Variants in TNIK observed in about 807,000 individuals in gnomAD.
TNIK encodes the protein TRAF2 and NCK-interacting protein kinase.
In TNIK, 49 loss-of-function variants were observed where a neutral mutation model predicts 191.3. That is an observed-to-expected ratio of 0.26 (90% CI 0.20 to 0.32). The LOEUF is 0.32. Among genes scored for constraint, TNIK ranks in the 10% least tolerant of loss-of-function variants. TNIK has a pLI of 1.00. For synonymous variants in TNIK, 594 were observed against 600.9 expected (o/e 0.99, Z 0.17); for missense variants, 1,155 against 1,702.3 (o/e 0.68, Z 5.66).
chr3:171,258,967 C>T (rs1422079097), intron 2 of TNIK, among the ~76,000 whole-genome samples: 1 of 152,172 alleles, frequency 6.6e-6, no homozygotes, highest in Non-Finnish European at 1.5e-5. Context: ...AAACACGCCA[C>T]TGAAATTTGA....
rs564360023 is a variant in TNIK at position 171,077,061 on chromosome 3, C to G, written c.3448+2457G>C. Among the ~76,000 whole-genome samples the G allele has an allele frequency of 5.3e-5, 8 of 151,100 alleles. No individual in the cohort carries two copies. In the South Asian group the frequency reaches 1.1e-3, roughly 20 times the overall value. On this transcript the variant is annotated intron_variant, in intron 28 of 32. Coordinates refer to ENST00000436636, the MANE Select transcript of TNIK (RefSeq NM_015028.4). The stretch of plus-strand genomic sequence containing the variant: ...TATGTAGTATACCATGGTTACATTT[C>G]CTTTCTTGTTCCCCCCCCCCTTTTT...
chr3:171,162,016 G>T (rs906635553), intron 10 of TNIK, among the ~76,000 whole-genome samples: 5 of 152,236 alleles, frequency 3.3e-5, no homozygotes, highest in Admixed American at 2.6e-4. Flanking sequence ...CTTATTGATG[G>T]TATTAACCAT....
intron 3 of TNIK, 91 bp from the exon 4 acceptor site, chr3:171,211,332 T>A: frequency 7.1e-7 from 1 of 1,405,922 alleles, no homozygotes. Context: ...TTTTTCTTGT[T>A]TTTTCTTCCT....
intron 25 of TNIK, 37 bp downstream of exon 25, chr3:171,085,081 G>T: frequency 6.5e-7 from 1 of 1,532,386 alleles, no homozygotes; most frequent in South Asian, 1.2e-5. Flanking sequence ...AAAGGAAGAC[G>T]AAGCTGTTTT....
chr3:171,079,573 C>T lies in TNIK; in HGVS notation c.3393G>A (p.Lys1131=), dbSNP rs1478346841. The T allele has an allele frequency of 1.2e-5, 19 of 1,613,562 alleles. No individual in the cohort carries two copies. Among genetic ancestry groups the T allele is most frequent in the Non-Finnish European group, 1.3e-5 (15 of 1,179,768 alleles). Residue 1131 remains lysine, a synonymous_variant, in exon 28 of 33, where the codon AAG becomes AAA. Coordinates refer to ENST00000436636, the MANE Select transcript of TNIK (RefSeq NM_015028.4). ...RILHNDPEVE[K]KQGWITVGDL... is the part of the protein sequence containing the mutation. ...CCCCAACAGTGATCCAGCCTTGTTT[C>T]TTTTCTACTTCTGGGTCATTATGTA... is the stretch of plus-strand genomic sequence containing the variant.
intron 1 of TNIK, among the ~76,000 whole-genome samples, chr3:171,421,724 ATTT>A (rs67895255): frequency 1.5e-3 from 137 of 91,340 alleles, no homozygotes; most frequent in African/African-American, 6.3e-3. Context: ...TAGTTGTGTA[ATTT>A]TTTTTTTTTT....
At chr3:171,286,861 T>A (rs527263250) in intron 2 of TNIK, among the ~76,000 whole-genome samples, 1 of 152,256 alleles carries the variant, frequency 6.6e-6, no homozygotes, top group East Asian at 1.9e-4. Flanking sequence ...AGTCAGGGAG[T>A]CCTCTTGTAA....
chr3:171,086,151 T>C (rs932030099), intron 24 of TNIK, among the ~76,000 whole-genome samples: 16 of 152,354 alleles, frequency 1.1e-4, no homozygotes, highest in African/African-American at 3.8e-4. Flanking sequence ...TATTTCACTT[T>C]AGTTTTACTG....
At chr3:171,377,229 A>G (rs938785652) in intron 1 of TNIK, among the ~76,000 whole-genome samples, 1 of 152,204 alleles carries the variant, frequency 6.6e-6, no homozygotes, top group Non-Finnish European at 1.5e-5. Flanking sequence ...ACCTCCAGGA[A>G]CTAACCCTCG....
chr3:171,304,438 G>A lies in TNIK; in HGVS notation c.123+65182C>T, dbSNP rs1481284963. On this transcript the variant is annotated intron_variant, in intron 2 of 32. Coordinates refer to ENST00000436636, the MANE Select transcript of TNIK (RefSeq NM_015028.4). ...GACTGTAAACTAGTTCAACCATTGT[G>A]GAAGTCAGTGTGGCGATTCCTCAGG... Among the ~76,000 whole-genome samples, 3 of 152,120 alleles carry A rather than the reference G, an allele frequency of 2.0e-5. No individual in the cohort carries two copies. The East Asian group carries it at 5.8e-4, about 29-fold the overall frequency.
At chr3:171,120,883 G>A (rs541228049) in intron 18 of TNIK, among the ~76,000 whole-genome samples, 2 of 152,202 alleles carry the variant, frequency 1.3e-5, no homozygotes, top group South Asian at 4.2e-4. Flanking sequence ...ACTAGTACCC[G>A]TAGTCCCAGA....
chr3:171,288,003 T>C (rs925020137), intron 2 of TNIK, among the ~76,000 whole-genome samples: 2 of 150,372 alleles, frequency 1.3e-5, no homozygotes, highest in African/African-American at 5.0e-5. Context: ...AAATGATGAG[T>C]TCATGTCCTT....
At chr3:171,448,569 CT>C (rs79607104) in intron 1 of TNIK, among the ~76,000 whole-genome samples, 8,400 of 126,216 alleles carry the variant, frequency 0.067, 338 homozygotes, top group African/African-American at 0.16. Flanking sequence ...TTCATGTACA[CT>C]TTTTTTTTTT....
In TNIK at chr3:171,085,263, A is replaced by T. The variant is rs769276776; in HGVS notation, c.2887-34T>A. On this transcript the variant is annotated intron_variant, in intron 24 of 32. Transcript: ENST00000436636. ...TAAGCAAGAAGATTAAGAAGAGCAG[A>T]TAAATACTGCAGGAATAACAATGCT... 1.4e-5 allele frequency: 22 copies of T among 1,548,952 alleles called. No homozygotes were observed. The East Asian group carries it at 3.9e-4, about 28-fold the overall frequency.
intron 2 of TNIK, among the ~76,000 whole-genome samples, chr3:171,272,539 G>GT (rs745974284): frequency 3.9e-5 from 6 of 152,102 alleles, no homozygotes; most frequent in African/African-American, 7.2e-5. Flanking sequence ...CATTTCTTTT[G>GT]TTTTTTTCTC....
intron 3 of TNIK, among the ~76,000 whole-genome samples, chr3:171,212,717 A>G (rs1218921060): frequency 6.6e-6 from 1 of 152,198 alleles, no homozygotes; most frequent in East Asian, 1.9e-4. Context: ...CCTAGCACCA[A>G]GCAGTGCCTG....
In TNIK at chr3:171,445,168, G is replaced by A. The variant is rs375653729; in HGVS notation, c.57+14839C>T. Among the ~76,000 whole-genome samples, 29 of 152,124 alleles carry A rather than the reference G, an allele frequency of 1.9e-4. 1 individual carries two copies. The East Asian group carries it at 4.9e-3, about 26-fold the overall frequency. On this transcript the variant is annotated intron_variant, in intron 1 of 32. Coordinates refer to ENST00000436636, the MANE Select transcript of TNIK (RefSeq NM_015028.4). ...AGCGAGCCCAGGCATGGTGGCTCAC[G>A]CCTGTAATCCTAGCACTTTGAGAGG...
chr3:171,138,407 G>A (rs1730334118), intron 14 of TNIK, 28 bp from the exon 15 acceptor site: 1 of 1,487,756 alleles, frequency 6.7e-7, no homozygotes, highest in East Asian at 2.4e-5. Context: ...GAGGAGCAAA[G>A]AAAAGGCCAA....
intron 2 of TNIK, among the ~76,000 whole-genome samples, chr3:171,275,066 C>A (rs1749565220): frequency 6.6e-6 from 1 of 152,140 alleles, no homozygotes; most frequent in African/African-American, 2.4e-5. Context: ...AATAATCTCT[C>A]TTTTTTCTCC....
Sources: allele counts gnomAD v4.1 joint callset (sites outside exome capture counted in the v4.1 genomes callset), GRCh38; gene constraint gnomAD v4.1.1; transcripts MANE v1.5; gene names NCBI Gene and HGNC (gene_info 2026-07-23, HGNC 2026-07-21).